Variants in SLC6A13 observed in about 807,000 individuals in gnomAD.
SLC6A13 encodes solute carrier family 6 member 13, also known as sodium- and chloride-dependent GABA transporter 2.
SLC6A13 carries 69 observed loss-of-function variants against 72.9 expected under a neutral mutation model. The ratio of observed to expected loss-of-function variants is 0.95; its 90% CI spans 0.78 to 1.16. The LOEUF (loss-of-function observed/expected upper bound fraction) is 1.16, where lower values mean the gene tolerates loss of function less well. SLC6A13 is among the 50% of genes most tolerant of loss of function. SLC6A13 has a pLI of 0.00. For missense variants in SLC6A13, 735 were observed against 760.5 expected (o/e 0.97, Z 0.39); for synonymous variants, 303 against 303.0 (o/e 1.00, Z 0.00).
intron 2 of SLC6A13, chr12:259,612 G>C (rs1942861503): frequency 7.0e-7 from 1 of 1,419,134 alleles, no homozygotes; most frequent in Non-Finnish European, 9.2e-7. Flanking sequence ...TCATCCACCT[G>C]GTTCCAGCTT....
Position 237,682 on chromosome 12 carries a change from C to T in SLC6A13, c.563+244G>A, listed in dbSNP as rs542384997. On this transcript the variant is annotated intron_variant, in intron 5 of 14. Transcript: ENST00000343164. ...TGCGGAGTGAGAGCACATATGCACA[C>T]ACACTCTCTAACACGGGGCGGGGGT... 1.2e-4 allele frequency among the ~76,000 whole-genome samples: 19 copies of T among 152,202 alleles called. No individual in the cohort carries two copies. In the South Asian group the frequency reaches 3.9e-3, roughly 32 times the overall value.
At position 226,424 on chromosome 12, in the gene SLC6A13, C is replaced by T. The variant is rs752943260; in HGVS notation, c.1026G>A (p.Glu342=). 3.7e-6 allele frequency: 6 copies of T among 1,614,152 alleles called. No individual in the cohort carries two copies. Among genetic ancestry groups the T allele is most frequent in the Non-Finnish European group, 5.1e-6 (6 of 1,179,992 alleles). Residue 342 remains glutamate, a synonymous_variant, in exon 9 of 15, where the codon GAG becomes GAA. Transcript: ENST00000343164. The part of the protein sequence containing the change: ...IFSILGFMSQ[E]QGVPISEVAE... Reference sequence around the variant, plus strand: ...CCACCTCAGAAATGGGCACCCCCTGCTCCTGAGACATGAAGCCCAGGATGG... The same window carrying T: ...CCACCTCAGAAATGGGCACCCCCTGTTCCTGAGACATGAAGCCCAGGATGG...
At chr12:230,347 A>C (rs941743663) in intron 7 of SLC6A13, among the ~76,000 whole-genome samples, 1 of 152,162 alleles carries the variant, frequency 6.6e-6, no homozygotes, top group Non-Finnish European at 1.5e-5. Context: ...CAGGATTATT[A>C]ATATCTATCT....
At chr12:244,080 G>A (rs1219587288) in intron 2 of SLC6A13, among the ~76,000 whole-genome samples, 1 of 152,168 alleles carries the variant, frequency 6.6e-6, no homozygotes, top group Non-Finnish European at 1.5e-5. Flanking sequence ...AACAATTACT[G>A]CTTAACACAT....
At chr12:221,327 C>G in intron 14 of SLC6A13, 49 bp downstream of exon 14, 1 of 1,520,402 alleles carries the variant, frequency 6.6e-7, no homozygotes, top group Non-Finnish European at 8.8e-7. Flanking sequence ...TCGGCACCTG[C>G]GAAGCCTCCC....
chr12:233,560 C>T lies in SLC6A13; in HGVS notation c.831+1530G>A, dbSNP rs555638478. 7.2e-5 allele frequency among the ~76,000 whole-genome samples: 11 copies of T among 152,242 alleles called. No homozygotes were observed. The South Asian group carries it at 1.0e-3, about 14-fold the overall frequency. The stretch of plus-strand genomic sequence containing the variant: ...GGCTGAGGGCAGGGCCAGGGAGCTG[C>T]GGCCTAGACATGGGTCACATGGGCA... On this transcript the variant is annotated intron_variant, in intron 7 of 14. Transcript: ENST00000343164.
At position 224,114 on chromosome 12, in the gene SLC6A13, T is replaced by C. The variant is rs1941336279; in HGVS notation, c.1189A>G (p.Ser397Gly). The C allele has an allele frequency of 1.9e-6, 3 of 1,614,116 alleles. No individual in the cohort carries two copies. Among genetic ancestry groups the C allele is most frequent in the Non-Finnish European group, 2.5e-6 (3 of 1,180,006 alleles). Residue 397 changes from serine (S) to glycine (G), a missense_variant, in exon 11 of 15, where the codon AGC becomes GGC. By Grantham distance (56) the Ser-to-Gly change is moderately conservative. Coordinates refer to ENST00000343164, the MANE Select transcript of SLC6A13 (RefSeq NM_016615.5). ...ATGTCCACCAGCGCTGTCACCAGGC[T>C]TTCTACACACACAAACTGGATGACA... is the stretch of plus-strand genomic sequence containing the variant. ...GLDSQFVCVE[S>G]LVTALVDMYP...
At chr12:238,039 A>G (rs1238543626) in intron 4 of SLC6A13, 29 bp from the exon 5 acceptor site, 3 of 1,606,060 alleles carry the variant, frequency 1.9e-6, no homozygotes, top group African/African-American at 2.7e-5. Flanking sequence ...GAGGGAAAAA[A>G]GAGAAAAATC....
intron 2 of SLC6A13, among the ~76,000 whole-genome samples, chr12:251,706 A>C (rs1363858292): frequency 6.6e-6 from 1 of 152,118 alleles, no homozygotes; most frequent in Non-Finnish European, 1.5e-5. Context: ...TAATCCCAGC[A>C]CTTTGGGAGG....
intron 7 of SLC6A13, among the ~76,000 whole-genome samples, chr12:229,015 T>A (rs554107422): frequency 4.8e-4 from 73 of 151,932 alleles, no homozygotes; most frequent in African/African-American, 1.7e-3. Flanking sequence ...AGGAAGACGG[T>A]GGGGAAAGGG....
intron 4 of SLC6A13, among the ~76,000 whole-genome samples, chr12:239,235 CA>C (rs1213751257): frequency 2.9e-5 from 1 of 34,822 alleles, no homozygotes; most frequent in Non-Finnish European, 1.8e-4. Context: ...GTGTTGGATC[CA>C]TTCCCACACC....
In SLC6A13 at chr12:235,203, A is replaced by C. The variant is rs1361925636; in HGVS notation, c.718T>G (p.Phe240Val). 1.2e-6 allele frequency: 2 copies of C among 1,614,090 alleles called. No homozygotes were observed. The highest frequency in any genetic ancestry group is 2.7e-5 in the African/African-American group (2 of 74,930). Residue 240 changes from phenylalanine (F) to valine (V), a missense_variant, in exon 7 of 15, where the codon TTT becomes GTT. Physicochemically the swap from Phe to Val is conservative, Grantham distance 50. Transcript: ENST00000343164. ...TGKVVYFTAT[F>V]PYLMLVVLLI... ...AGGACCACCAGCATGAGGTAAGGAA[A>C]TGTGGCCGTGAAGTACACCACCTGG... is the stretch of plus-strand genomic sequence containing the variant.
intron 9 of SLC6A13, 96 bp from the exon 10 acceptor site, chr12:224,609 G>T: frequency 1.1e-6 from 1 of 942,914 alleles, no homozygotes; most frequent in Non-Finnish European, 1.6e-6. Flanking sequence ...CAGAATAACA[G>T]GGGCTAGAGG....
chr12:242,716 TGAG>T lies in SLC6A13; in HGVS notation c.373_375del (p.Leu125del), dbSNP rs1213708457. 8.7e-6 allele frequency: 14 copies of T among 1,602,344 alleles called. No individual in the cohort carries two copies. Among genetic ancestry groups the T allele is most frequent in the South Asian group, 1.1e-5 (1 of 88,762 alleles). ...GCCAACACAATGATGTAGTAGACGTTGAGGAGGATGACGATCATCTGGGAGGCA... is the reference window on the plus strand; with the variant it reads ...GCCAACACAATGATGTAGTAGACGTTGAGGATGACGATCATCTGGGAGGCA... On this transcript the variant is annotated inframe_deletion, in exon 4 of 15. Coordinates refer to ENST00000343164, the MANE Select transcript of SLC6A13 (RefSeq NM_016615.5).
At chr12:239,328 C>T (rs72472275) in intron 4 of SLC6A13, among the ~76,000 whole-genome samples, 6,451 of 145,572 alleles carry the variant, frequency 0.044, 475 homozygotes, top group East Asian at 0.27. Context: ...CCACACCATT[C>T]CCCTCAGCCA....
intron 2 of SLC6A13, among the ~76,000 whole-genome samples, chr12:258,727 CT>C (rs776232065): frequency 1.3e-5 from 2 of 152,168 alleles, no homozygotes; most frequent in Non-Finnish European, 2.9e-5. Flanking sequence ...TGCAAAATTT[CT>C]GTCACTGCTG....
chr12:251,794 A>AG (rs894435920), intron 2 of SLC6A13, among the ~76,000 whole-genome samples: 1 of 152,008 alleles, frequency 6.6e-6, no homozygotes, highest in African/African-American at 2.4e-5. Flanking sequence ...CTCTACCAAA[A>AG]AAAAAAAAAG....
At chr12:244,042 T>C (rs781603976) in intron 2 of SLC6A13, among the ~76,000 whole-genome samples, 15 of 152,244 alleles carry the variant, frequency 9.9e-5, no homozygotes, top group Non-Finnish European at 2.1e-4. Context: ...AGTTTCAGTC[T>C]ATACCTATTA....
chr12:238,555 A>T (rs1471336255), intron 4 of SLC6A13, among the ~76,000 whole-genome samples: 1 of 152,244 alleles, frequency 6.6e-6, no homozygotes, highest in African/African-American at 2.4e-5. Context: ...GAAAACGTGG[A>T]TGTAGAGTGC....
Sources: allele counts gnomAD v4.1 joint callset (sites outside exome capture counted in the v4.1 genomes callset), GRCh38; gene constraint gnomAD v4.1.1; transcripts MANE v1.5; gene names NCBI Gene and HGNC (gene_info 2026-07-23, HGNC 2026-07-21).